RANBP2: variants seen among roughly 807,000 people sequenced by gnomAD.
The protein encoded by RANBP2 is E3 SUMO-protein ligase RanBP2.
A neutral mutation model predicts 303.6 loss-of-function variants in RANBP2; 57 were observed. That is an observed-to-expected ratio of 0.19 (90% CI 0.15 to 0.23). The LOEUF (loss-of-function observed/expected upper bound fraction) is 0.23, where lower values mean the gene tolerates loss of function less well. Ranked by LOEUF, RANBP2 falls within the 10% of genes least tolerant of loss-of-function variation. The pLI, the probability that RANBP2 is intolerant of heterozygous loss-of-function variation, is 1.00. For synonymous variants in RANBP2, 1,167 were observed against 1,301.5 expected (o/e 0.90, Z 2.23); for missense variants, 3,138 against 3,780.8 (o/e 0.83, Z 4.46).
the RANBP2 span, among the ~76,000 whole-genome samples, chr2:109,570,188 A>G: frequency 0.064 from 9,815 of 152,282 alleles, 752 homozygotes; most frequent in East Asian, 0.24. Context: ...GGCAGTCCCA[A>G]TTTTAGAATT....
chr2:109,140,793 G>A, the RANBP2 span, among the ~76,000 whole-genome samples: 1 of 152,192 alleles, frequency 6.6e-6, no homozygotes. Flanking sequence ...GATGTTAAAG[G>A]TAACATCTCC....
chr2:108,940,737 C>G, the RANBP2 span, among the ~76,000 whole-genome samples: 2 of 152,236 alleles, frequency 1.3e-5, no homozygotes, highest in Non-Finnish European at 2.9e-5. Context: ...GGCAGGCTTC[C>G]AGGGGCAACA....
chr2:108,770,615 G>A (rs542991012), intron 20 of RANBP2, among the ~76,000 whole-genome samples: 2 of 151,976 alleles, frequency 1.3e-5, no homozygotes, highest in South Asian at 4.1e-4. Flanking sequence ...AAGCAAGACT[G>A]CATCTCAAAT....
the RANBP2 span, among the ~76,000 whole-genome samples, chr2:108,950,780 T>C: frequency 6.6e-6 from 1 of 152,170 alleles, no homozygotes; most frequent in Non-Finnish European, 1.5e-5. Context: ...TCAGAAGGCT[T>C]TGGAATCAAC....
chr2:108,741,952 A>T (rs1696138505), intron 7 of RANBP2, among the ~76,000 whole-genome samples: 1 of 151,948 alleles, frequency 6.6e-6, no homozygotes, highest in Non-Finnish European at 1.5e-5. Flanking sequence ...GGGGAGGGAA[A>T]AAAAGGATTC....
chr2:109,183,211 C>T, the RANBP2 span, among the ~76,000 whole-genome samples: 341 of 152,286 alleles, frequency 2.2e-3, 3 homozygotes, highest in Non-Finnish European at 3.2e-3. Flanking sequence ...TGTTAACTTG[C>T]CTTCTTGTAT....
the RANBP2 span, among the ~76,000 whole-genome samples, chr2:109,296,109 A>G: frequency 6.6e-6 from 1 of 152,056 alleles, no homozygotes; most frequent in Non-Finnish European, 1.5e-5. Context: ...TGCTGGGTCC[A>G]TTCACTGTTC....
At chr2:108,870,583 CAA>C in the RANBP2 span, among the ~76,000 whole-genome samples, 5 of 152,186 alleles carry the variant, frequency 3.3e-5, no homozygotes, top group South Asian at 2.1e-4. Context: ...AAGTAAAAGA[CAA>C]AGAGTATCTG....
chr2:109,567,896 A>C, the RANBP2 span: 4 of 1,613,814 alleles, frequency 2.5e-6, no homozygotes, highest in South Asian at 4.4e-5. Flanking sequence ...TGACCAATTC[A>C]CTCATGAGCT....
the RANBP2 span, among the ~76,000 whole-genome samples, chr2:109,429,521 G>T: frequency 6.6e-6 from 1 of 152,130 alleles, no homozygotes; most frequent in Non-Finnish European, 1.5e-5. Context: ...ATCTCCCTAC[G>T]CGTTGGCCAC....
chr2:109,446,923 C>T, the RANBP2 span, among the ~76,000 whole-genome samples: 3 of 151,938 alleles, frequency 2.0e-5, no homozygotes, highest in Non-Finnish European at 4.4e-5. Context: ...CTGTCACCCC[C>T]CTTCCAGGGA....
At chr2:108,746,214 T>A (rs1431835032) in intron 7 of RANBP2, among the ~76,000 whole-genome samples, 1 of 142,572 alleles carries the variant, frequency 7.0e-6, no homozygotes, top group Non-Finnish European at 1.5e-5. Context: ...GGCCCTTTTT[T>A]TTTTTTTTTT....
chr2:109,241,633 A>G, the RANBP2 span, among the ~76,000 whole-genome samples: 1 of 150,420 alleles, frequency 6.6e-6, no homozygotes, highest in Non-Finnish European at 1.5e-5. Context: ...GGCCCCTGGG[A>G]CTCTCTGTCT....
the RANBP2 span, among the ~76,000 whole-genome samples, chr2:109,584,579 A>T: frequency 6.6e-6 from 1 of 151,956 alleles, no homozygotes; most frequent in African/African-American, 2.4e-5. Context: ...TTTAAATTTG[A>T]TAGAGCATAG....
At chr2:109,687,644 C>A in the RANBP2 span, among the ~76,000 whole-genome samples, 1 of 152,158 alleles carries the variant, frequency 6.6e-6, no homozygotes, top group East Asian at 1.9e-4. Context: ...AGGAGAAAAT[C>A]CACACCTGCT....
At chr2:109,171,798 C>A in the RANBP2 span, among the ~76,000 whole-genome samples, 2 of 152,236 alleles carry the variant, frequency 1.3e-5, no homozygotes, top group Admixed American at 6.5e-5. Context: ...TCACTTGCAG[C>A]GGGGAGTGGC....
chr2:108,890,687 C>A, the RANBP2 span, among the ~76,000 whole-genome samples: 1 of 152,162 alleles, frequency 6.6e-6, no homozygotes, highest in Non-Finnish European at 1.5e-5. Context: ...ATCACTGAGT[C>A]TCCTGTATTT....
the RANBP2 span, among the ~76,000 whole-genome samples, chr2:108,886,309 T>A: frequency 6.6e-6 from 1 of 152,228 alleles, no homozygotes; most frequent in South Asian, 2.1e-4. Flanking sequence ...TAAGATGATA[T>A]CTAATTGTGA....
At chr2:109,583,803 G>A in the RANBP2 span, among the ~76,000 whole-genome samples, 1 of 152,158 alleles carries the variant, frequency 6.6e-6, no homozygotes, top group Non-Finnish European at 1.5e-5. Flanking sequence ...CTACTACACA[G>A]CCATAAAAAA....
Sources: allele counts gnomAD v4.1 joint callset (sites outside exome capture counted in the v4.1 genomes callset), GRCh38; gene constraint gnomAD v4.1.1; transcripts MANE v1.5; gene names NCBI Gene and HGNC (gene_info 2026-07-23, HGNC 2026-07-21).